The following PDE1C variants were observed in gnomAD, a reference collection of about 807,000 sequenced individuals.
The protein encoded by PDE1C is dual specificity calcium/calmodulin-dependent 3',5'-cyclic nucleotide phosphodiesterase 1C.
PDE1C carries 62 observed loss-of-function variants against 93.1 expected under a neutral mutation model. The observed-to-expected ratio is 0.67, with a 90% CI of 0.54 to 0.82. PDE1C has a LOEUF of 0.82. Ranked by LOEUF, PDE1C falls within the 40% of genes least tolerant of loss-of-function variation. PDE1C has a pLI of 0.00. For synonymous variants in PDE1C, 325 were observed against 310.1 expected (o/e 1.05, Z -0.50); for missense variants, 742 against 884.6 (o/e 0.84, Z 2.04).
chr7:31,890,270 CT>C (rs1164575423), intron 2 of PDE1C, among the ~76,000 whole-genome samples: 1 of 152,220 alleles, frequency 6.6e-6, no homozygotes, highest in Non-Finnish European at 1.5e-5. Flanking sequence ...TCATTTGCAG[CT>C]ATTCATGTGG....
chr7:31,809,227 A>G (rs1050953699), intron 15 of PDE1C, 119 bp from the exon 16 acceptor site: 2 of 604,006 alleles, frequency 3.3e-6, no homozygotes, highest in African/African-American at 1.9e-5. Context: ...ATAAGAGTGT[A>G]TGTGTCTGAG....
chr7:32,128,034 C>T (rs367833172), intron 3 of PDE1C, among the ~76,000 whole-genome samples: 8 of 151,822 alleles, frequency 5.3e-5, no homozygotes, highest in African/African-American at 1.9e-4. Flanking sequence ...CAGACACATA[C>T]ATGGATTAGA....
the PDE1C span, chr7:31,643,903 A>G: frequency 6.2e-7 from 1 of 1,613,888 alleles, no homozygotes; most frequent in African/African-American, 1.3e-5. Flanking sequence ...AGCCCAGTTC[A>G]TGACGACTTT....
intron 2 of PDE1C, among the ~76,000 whole-genome samples, chr7:31,989,887 C>G (rs181106026): frequency 4.6e-5 from 7 of 152,324 alleles, no homozygotes; most frequent in African/African-American, 1.7e-4. Flanking sequence ...ACTAGAAAAA[C>G]AAGGGAATAA....
intron 1 of PDE1C, among the ~76,000 whole-genome samples, chr7:32,213,829 G>A (rs564703424): frequency 3.9e-5 from 6 of 152,252 alleles, no homozygotes; most frequent in Admixed American, 6.5e-5. Flanking sequence ...TTCTATTGAC[G>A]TTCAGTTGCG....
chr7:32,365,276 G>A (rs1055454376), intron 1 of PDE1C, among the ~76,000 whole-genome samples: 4 of 152,108 alleles, frequency 2.6e-5, no homozygotes, highest in Non-Finnish European at 4.4e-5. Context: ...AGCTAGCCAA[G>A]CAGCCATGAG....
At chr7:31,824,365 C>CGATT in intron 13 of PDE1C, among the ~76,000 whole-genome samples, 1 of 152,144 alleles carries the variant, frequency 6.6e-6, no homozygotes, top group East Asian at 1.9e-4. Context: ...AATTGGCCTG[C>CGATT]GATTGCACAG....
At chr7:32,108,185 G>A (rs1394806830) in intron 3 of PDE1C, among the ~76,000 whole-genome samples, 3 of 129,090 alleles carry the variant, frequency 2.3e-5, no homozygotes, top group Non-Finnish European at 4.7e-5. Context: ...ACTTAAATAT[G>A]CTAATTTGAA....
chr7:31,863,484 A>G (rs1401095097), intron 7 of PDE1C, among the ~76,000 whole-genome samples: 2 of 152,188 alleles, frequency 1.3e-5, no homozygotes, highest in Non-Finnish European at 2.9e-5. Flanking sequence ...TGCTCCATGT[A>G]TTCACGGAAC....
At chr7:32,139,900 G>A (rs888428949) in intron 3 of PDE1C, among the ~76,000 whole-genome samples, 2 of 116,362 alleles carry the variant, frequency 1.7e-5, no homozygotes, top group Admixed American at 8.3e-5. Flanking sequence ...TGACTGTGAG[G>A]AGAGCTGGTC....
At chr7:32,117,209 A>G (rs1799031206) in intron 3 of PDE1C, among the ~76,000 whole-genome samples, 1 of 152,186 alleles carries the variant, frequency 6.6e-6, no homozygotes, top group African/African-American at 2.4e-5. Context: ...AAAGGTCAAA[A>G]GGAAAATATG....
At chr7:32,216,220 T>C (rs1458657195) in intron 1 of PDE1C, among the ~76,000 whole-genome samples, 1 of 152,144 alleles carries the variant, frequency 6.6e-6, no homozygotes, top group African/African-American at 2.4e-5. Context: ...CTAGCTCAGA[T>C]ATCGTCTTCT....
intron 1 of PDE1C, among the ~76,000 whole-genome samples, chr7:32,328,786 A>G (rs1484630342): frequency 1.3e-5 from 2 of 152,150 alleles, no homozygotes; most frequent in Admixed American, 6.5e-5. Flanking sequence ...ATCTCCACAT[A>G]GCTTGTTTCT....
intron 2 of PDE1C, among the ~76,000 whole-genome samples, chr7:32,184,927 C>A (rs557362287): frequency 2.4e-4 from 37 of 152,128 alleles, no homozygotes; most frequent in African/African-American, 7.7e-4. Flanking sequence ...GCCTGACCAA[C>A]GTGGAGAAAC....
chr7:31,880,725 T>C (rs773154846), intron 3 of PDE1C, 22 bp downstream of exon 3: 1 of 1,403,460 alleles, frequency 7.1e-7, no homozygotes, highest in South Asian at 1.2e-5. Flanking sequence ...TATACTAATC[T>C]CTTTTGTTAT....
At chr7:31,693,926 A>G in the PDE1C span, among the ~76,000 whole-genome samples, 6,655 of 152,302 alleles carry the variant, frequency 0.044, 237 homozygotes, top group African/African-American at 0.09. Flanking sequence ...TAGCCAAACT[A>G]TATCCAGGCC....
At chr7:32,135,079 AAGAAGAGGCT>A (rs2128775125) in intron 3 of PDE1C, among the ~76,000 whole-genome samples, 1 of 152,296 alleles carries the variant, frequency 6.6e-6, no homozygotes, top group African/African-American at 2.4e-5. Context: ...AAAGGGCAAT[AAGAAGAGGCT>A]GAGGAAAGAA....
At chr7:32,099,635 G>C (rs775682391) in intron 3 of PDE1C, among the ~76,000 whole-genome samples, 4 of 152,150 alleles carry the variant, frequency 2.6e-5, no homozygotes, top group Non-Finnish European at 5.9e-5. Flanking sequence ...AATCAAGTCG[G>C]AACTCCTTGG....
At chr7:32,336,441 A>C (rs1783627742) in intron 1 of PDE1C, among the ~76,000 whole-genome samples, 1 of 152,224 alleles carries the variant, frequency 6.6e-6, no homozygotes, top group African/African-American at 2.4e-5. Context: ...AAATGTGTAA[A>C]AAATGGAAAA....
Sources: allele counts gnomAD v4.1 joint callset (sites outside exome capture counted in the v4.1 genomes callset), GRCh38; gene constraint gnomAD v4.1.1; transcripts MANE v1.5; gene names NCBI Gene and HGNC (gene_info 2026-07-23, HGNC 2026-07-21).